The following LEPROT variants were observed in gnomAD, a reference collection of about 807,000 sequenced individuals.
The protein encoded by LEPROT is leptin receptor overlapping transcript.
In LEPROT, 3 loss-of-function variants were observed where a neutral mutation model predicts 15.4. That is an observed-to-expected ratio of 0.19 (90% confidence interval 0.09 to 0.50). The LOEUF is 0.50. LEPROT is among the 20% of genes least tolerant of loss of function. LEPROT has a pLI of 0.97. For synonymous variants in LEPROT, 59 were observed against 57.5 expected (o/e 1.03, Z -0.12); for missense variants, 137 against 162.2 (o/e 0.84, Z 0.84).
At position 65,435,190 on chromosome 1, in the gene LEPROT, T is replaced by G; in HGVS notation, c.*3271T>G. 2.0e-6 allele frequency: 2 copies of G among 985,398 alleles called. No homozygotes were observed. Among genetic ancestry groups the G allele is most frequent in the Non-Finnish European group, 2.4e-6 (2 of 829,956 alleles). 61.0% of individuals were successfully genotyped at this position (985,398 alleles called of 1,614,324 possible). ...GGTCCTGCTTTTCATAGTTGTTTCT[T>G]TTCTTCCACTTAAGAACTCATAGAT... On this transcript the variant is annotated 3_prime_UTR_variant, in exon 4 of 4. Coordinates refer to ENST00000371065, the MANE Select transcript of LEPROT (RefSeq NM_017526.5).
At chr1:65,425,223 C>T (rs1646336752) in intron 1 of LEPROT, 80 bp from the exon 2 acceptor site, 2 of 1,192,200 alleles carry the variant, frequency 1.7e-6, no homozygotes, top group South Asian at 1.3e-5. Context: ...TATTAGAAGT[C>T]ACTCCCCATT....
rs971737163 is a variant in LEPROT at position 65,432,388 on chromosome 1, A to G, written c.*469A>G. ...CAACATTTCCTAGAGCCTTATTAGA[A>G]ATGCAGAATCTGAAGCCCCACTCTG... is the stretch of plus-strand genomic sequence containing the variant. On this transcript the variant is annotated 3_prime_UTR_variant, in exon 4 of 4. Coordinates refer to ENST00000371065, the MANE Select transcript of LEPROT (RefSeq NM_017526.5). The G allele has an allele frequency of 2.9e-5, 27 of 935,988 alleles. No individual in the cohort carries two copies. Among genetic ancestry groups the G allele is most frequent in the African/African-American group, 3.6e-5 (2 of 56,330 alleles). The allele number at this position is 935,988 out of a possible 1,614,324, so 58.0% of individuals were successfully genotyped here.
intron 1 of LEPROT, among the ~76,000 whole-genome samples, chr1:65,423,328 A>G (rs188462506): frequency 6.6e-5 from 10 of 152,114 alleles, no homozygotes; most frequent in Non-Finnish European, 1.5e-4. Context: ...TTTTTGGTCA[A>G]CTCCAACTTT....
rs1014283203 is a variant in LEPROT at position 65,435,589 on chromosome 1, G to T, written c.*3670G>T. The T allele has an allele frequency of 1.7e-6, 1 of 602,428 alleles. No homozygotes were observed. Among genetic ancestry groups the T allele is most frequent in the Non-Finnish European group, 2.1e-6 (1 of 480,180 alleles). The allele number at this position is 602,428 out of a possible 1,614,324, so 37.3% of individuals were successfully genotyped here. A position where few individuals can be genotyped will look rare whatever the true frequency, so the allele number is the denominator to read the frequency against. On this transcript the variant is annotated 3_prime_UTR_variant, in exon 4 of 4. Transcript: ENST00000371065. ...TCATCGTGTTAGCCAGGATGGTCTCGATCTCCTGACCTCATGATCCGCCCG... is the reference window on the plus strand; with the variant it reads ...TCATCGTGTTAGCCAGGATGGTCTCTATCTCCTGACCTCATGATCCGCCCG...
At position 65,434,339 on chromosome 1, in the gene LEPROT, C is replaced by T; in HGVS notation, c.*2420C>T. On this transcript the variant is annotated 3_prime_UTR_variant, in exon 4 of 4. Coordinates refer to ENST00000371065, the MANE Select transcript of LEPROT (RefSeq NM_017526.5). ...AAAGGCTCTTTTTTTATATATTGTA[C>T]AATATATTTGGAGATTCAGAGCATA... 1 of 984,834 alleles carries T rather than the reference C, an allele frequency of 1.0e-6. No individual in the cohort carries two copies. Among genetic ancestry groups the T allele is most frequent in the Non-Finnish European group, 1.2e-6 (1 of 829,646 alleles). The allele number at this position is 984,834 out of a possible 1,614,324, so 61.0% of individuals were successfully genotyped here.
Position 65,432,887 on chromosome 1 carries a change from C to A in LEPROT, c.*968C>A. The A allele has an allele frequency of 1.1e-6, 1 of 869,852 alleles. No homozygotes were observed. Among genetic ancestry groups the A allele is most frequent in the Non-Finnish European group, 1.4e-6 (1 of 724,570 alleles). 53.9% of individuals were successfully genotyped at this position (869,852 alleles called of 1,614,324 possible). A position where few individuals can be genotyped will look rare whatever the true frequency, so the allele number is the denominator to read the frequency against. ...ATCATTCCACCTTATATTCAAAAAT[C>A]ATAAAACCGTATTGTACCCTATAAA... On this transcript the variant is annotated 3_prime_UTR_variant, in exon 4 of 4. Coordinates refer to ENST00000371065, the MANE Select transcript of LEPROT (RefSeq NM_017526.5).
chr1:65,426,289 A>G (rs989452712), intron 2 of LEPROT, among the ~76,000 whole-genome samples: 2 of 152,204 alleles, frequency 1.3e-5, no homozygotes, highest in African/African-American at 4.8e-5. Flanking sequence ...ATTATGGTAC[A>G]GCATAAATTG....
At chr1:65,421,074 C>G (rs1480636328) in intron 1 of LEPROT, among the ~76,000 whole-genome samples, 2 of 152,238 alleles carry the variant, frequency 1.3e-5, no homozygotes, top group African/African-American at 2.4e-5. Context: ...TGACGCCACC[C>G]TAACGCCTTT....
chr1:65,432,952 A>G lies in LEPROT; in HGVS notation c.*1033A>G, dbSNP rs1646507234. The G allele has an allele frequency of 1.0e-6, 1 of 985,014 alleles. No homozygotes were observed. The highest frequency in any genetic ancestry group is 1.2e-6 in the Non-Finnish European group (1 of 829,536). The allele number at this position is 985,014 out of a possible 1,614,324, so 61.0% of individuals were successfully genotyped here. On this transcript the variant is annotated 3_prime_UTR_variant, in exon 4 of 4. Transcript: ENST00000371065. The stretch of plus-strand genomic sequence containing the variant: ...TGTCAATATATAATCAAAATAAAAA[A>G]CAAAACATACTCTCTCCCCCAAAAA...
chr1:65,423,518 G>A lies in LEPROT; in HGVS notation c.17-1785G>A, dbSNP rs1452313772. Among the ~76,000 whole-genome samples the A allele has an allele frequency of 2.0e-5, 3 of 152,194 alleles. No individual in the cohort carries two copies. The East Asian group carries it at 5.8e-4, about 29-fold the overall frequency. ...GTACTGCCGATGGTCAGGCACAGAG[G>A]AGAGGAGCAAAGCCTGCTGGGAAAA... is the stretch of plus-strand genomic sequence containing the variant. On this transcript the variant is annotated intron_variant, in intron 1 of 3. Transcript: ENST00000371065.
chr1:65,425,715 G>T (rs551243434), intron 2 of LEPROT, among the ~76,000 whole-genome samples: 9 of 152,240 alleles, frequency 5.9e-5, no homozygotes, highest in Non-Finnish European at 1.2e-4. Flanking sequence ...GGCAGCTGCA[G>T]TGGAGATGCC....
At chr1:65,431,304 T>G (rs778239948) in intron 3 of LEPROT, among the ~76,000 whole-genome samples, 1 of 152,218 alleles carries the variant, frequency 6.6e-6, no homozygotes, top group Non-Finnish European at 1.5e-5. Flanking sequence ...GAGGGTACTC[T>G]CACCCCCAAA....
Position 65,433,172 on chromosome 1 carries a change from C to G in LEPROT, c.*1253C>G, listed in dbSNP as rs567637781. 2.0e-6 allele frequency: 2 copies of G among 985,334 alleles called. No homozygotes were observed. The highest frequency in any genetic ancestry group is 2.4e-6 in the Non-Finnish European group (2 of 829,970). The allele number at this position is 985,334 out of a possible 1,614,324, so 61.0% of individuals were successfully genotyped here. ...TCCCCAGCTCCTTCCCTCTGCCCCC[C>G]ACCCCTACTCCTCAACAGTTCTGGT... is the stretch of plus-strand genomic sequence containing the variant. On this transcript the variant is annotated 3_prime_UTR_variant, in exon 4 of 4. Coordinates refer to ENST00000371065, the MANE Select transcript of LEPROT (RefSeq NM_017526.5).
intron 1 of LEPROT, 57 bp from the exon 2 acceptor site, chr1:65,425,246 C>G (rs1025595083): frequency 4.7e-6 from 7 of 1,485,184 alleles, no homozygotes; most frequent in South Asian, 1.2e-5. Context: ...CCCAAACCCT[C>G]TAGTGCCTGA....
intron 2 of LEPROT, among the ~76,000 whole-genome samples, chr1:65,427,519 A>G (rs777279308): frequency 2.0e-5 from 3 of 152,118 alleles, no homozygotes; most frequent in Non-Finnish European, 2.9e-5. Flanking sequence ...TGATCACACC[A>G]CTGCAGTCCA....
At position 65,432,009 on chromosome 1, in the gene LEPROT, A is replaced by G; in HGVS notation, c.*90A>G. On this transcript the variant is annotated 3_prime_UTR_variant, in exon 4 of 4. Transcript: ENST00000371065. ...ATGCGGCATTTTACTATGAAATTTAATATGCTGGGTTTTTTAATACCTTTA... is the reference window on the plus strand; with the variant it reads ...ATGCGGCATTTTACTATGAAATTTAGTATGCTGGGTTTTTTAATACCTTTA... The G allele has an allele frequency of 6.7e-7, 1 of 1,484,406 alleles. No individual in the cohort carries two copies. Among genetic ancestry groups the G allele is most frequent in the South Asian group, 1.4e-5 (1 of 69,254 alleles). The allele number at this position is 1,484,406 out of a possible 1,614,324, so 92.0% of individuals were successfully genotyped here. A position where few individuals can be genotyped will look rare whatever the true frequency, so the allele number is the denominator to read the frequency against.
Position 65,433,777 on chromosome 1 carries a change from T to C in LEPROT, c.*1858T>C. ...AATAATGACACTTGCATTTATTGTATTGTAATAAATTTCACTTTTAACTTT... is the reference window on the plus strand; with the variant it reads ...AATAATGACACTTGCATTTATTGTACTGTAATAAATTTCACTTTTAACTTT... On this transcript the variant is annotated 3_prime_UTR_variant, in exon 4 of 4. Transcript: ENST00000371065. 1 of 922,226 alleles carries C rather than the reference T, an allele frequency of 1.1e-6. No homozygotes were observed. Among genetic ancestry groups the C allele is most frequent in the Non-Finnish European group, 1.3e-6 (1 of 772,566 alleles). The allele number at this position is 922,226 out of a possible 1,614,324, so 57.1% of individuals were successfully genotyped here.
At chr1:65,420,824 C>A in intron 1 of LEPROT, 84 bp downstream of exon 1, 1 of 1,500,092 alleles carries the variant, frequency 6.7e-7, no homozygotes, top group Non-Finnish European at 9.0e-7. Flanking sequence ...GCCTTCCGCG[C>A]GCCGTTGGGG....
intron 1 of LEPROT, among the ~76,000 whole-genome samples, chr1:65,424,050 A>C (rs1241493534): frequency 3.9e-5 from 6 of 152,200 alleles, no homozygotes; most frequent in Non-Finnish European, 8.8e-5. Context: ...GCTTCTACCC[A>C]AAGTCATAAG....
Sources: allele counts gnomAD v4.1 joint callset (sites outside exome capture counted in the v4.1 genomes callset), GRCh38; gene constraint gnomAD v4.1.1; transcripts MANE v1.5; gene names NCBI Gene and HGNC (gene_info 2026-07-23, HGNC 2026-07-21).